NXPH1: variants seen among roughly 807,000 people sequenced by gnomAD.
NXPH1 encodes neurexophilin 1, also known as neurexophilin-1.
A neutral mutation model predicts 23.7 loss-of-function variants in NXPH1; 5 were observed. That is an observed-to-expected ratio of 0.21 (90% CI 0.11 to 0.44). NXPH1 has a LOEUF of 0.44. Among genes scored for constraint, NXPH1 ranks in the 20% least tolerant of loss-of-function variants. The pLI, the probability that NXPH1 is intolerant of heterozygous loss-of-function variation, is 0.99. For missense variants in NXPH1, 324 were observed against 321.6 expected (o/e 1.01, Z -0.06); for synonymous variants, 144 against 122.2 (o/e 1.18, Z -1.18).
At chr7:8,718,738 G>C (rs1270317979) in intron 2 of NXPH1, among the ~76,000 whole-genome samples, 1 of 152,124 alleles carries the variant, frequency 6.6e-6, no homozygotes, top group Admixed American at 6.6e-5. Flanking sequence ...GGAAGTAGGG[G>C]GAAAAACCAC....
chr7:8,636,854 T>C lies in NXPH1; in HGVS notation c.55-114154T>C, dbSNP rs553594582. ...TTCCAAATGAATATGAAGATTTGTATTGGATTTCTTTAACTAGTGAAATGT... is the reference window on the plus strand; with the variant it reads ...TTCCAAATGAATATGAAGATTTGTACTGGATTTCTTTAACTAGTGAAATGT... On this transcript the variant is annotated intron_variant, in intron 2 of 2. Coordinates refer to ENST00000405863, the MANE Select transcript of NXPH1 (RefSeq NM_152745.3). Among the ~76,000 whole-genome samples the C allele has an allele frequency of 1.3e-4, 19 of 150,936 alleles. No homozygotes were observed. In the East Asian group the frequency reaches 1.6e-3, roughly 13 times the overall value.
intron 2 of NXPH1, among the ~76,000 whole-genome samples, chr7:8,507,023 G>A (rs1817538262): frequency 6.7e-6 from 1 of 149,474 alleles, no homozygotes. Flanking sequence ...AAGGGGAGTA[G>A]GATGAGGGCA....
intron 2 of NXPH1, among the ~76,000 whole-genome samples, chr7:8,512,816 T>C (rs1817632564): frequency 6.6e-6 from 1 of 152,160 alleles, no homozygotes; most frequent in African/African-American, 2.4e-5. Flanking sequence ...AGCGTTTCCA[T>C]GTTGAACAGA....
In NXPH1 at chr7:8,508,604, A is replaced by G. The variant is rs1450658064; in HGVS notation, c.54+72837A>G. ...TGGAGTTTGAGTCAGACCAAAATAA[A>G]TTGCCCTTCATTTGTGAGATCTCAT... is the stretch of plus-strand genomic sequence containing the variant. On this transcript the variant is annotated intron_variant, in intron 2 of 2. Coordinates refer to ENST00000405863, the MANE Select transcript of NXPH1 (RefSeq NM_152745.3). 6.8e-4 allele frequency among the ~76,000 whole-genome samples: 103 copies of G among 152,124 alleles called. 1 individual carries two copies. Among genetic ancestry groups the G allele is most frequent in the Non-Finnish European group, 2.9e-5 (2 of 67,966 alleles).
chr7:8,557,171 G>A (rs1818371724), intron 2 of NXPH1, among the ~76,000 whole-genome samples: 1 of 151,620 alleles, frequency 6.6e-6, no homozygotes, highest in African/African-American at 2.4e-5. Context: ...ATGTGCTTAT[G>A]GGACAGTTGA....
At chr7:8,537,407 C>T (rs559828749) in intron 2 of NXPH1, among the ~76,000 whole-genome samples, 6 of 152,028 alleles carry the variant, frequency 3.9e-5, no homozygotes, top group South Asian at 2.1e-4. Context: ...AGGAAACTTA[C>T]GATCGTAGCA....
intron 2 of NXPH1, among the ~76,000 whole-genome samples, chr7:8,460,613 C>T (rs1039210840): frequency 1.3e-5 from 2 of 152,118 alleles, no homozygotes; most frequent in South Asian, 2.1e-4. Flanking sequence ...TTGGACATGC[C>T]TAGCTCTGAT....
chr7:8,635,178 C>T (rs141565752), intron 2 of NXPH1, among the ~76,000 whole-genome samples: 7 of 152,102 alleles, frequency 4.6e-5, no homozygotes, highest in African/African-American at 1.7e-4. Flanking sequence ...TGCTATGTCA[C>T]CGAGGTAGAG....
intron 2 of NXPH1, among the ~76,000 whole-genome samples, chr7:8,653,803 A>G (rs1160597992): frequency 2.0e-5 from 3 of 152,224 alleles, no homozygotes; most frequent in South Asian, 4.1e-4. Flanking sequence ...ATCTTATCAG[A>G]AACATGATAT....
At chr7:8,704,951 G>A (rs977509554) in intron 2 of NXPH1, among the ~76,000 whole-genome samples, 1 of 152,068 alleles carries the variant, frequency 6.6e-6, no homozygotes, top group African/African-American at 2.4e-5. Flanking sequence ...AAAAGGACCT[G>A]CAACCACTAA....
intron 2 of NXPH1, among the ~76,000 whole-genome samples, chr7:8,473,735 G>T (rs142619282): frequency 1.8e-3 from 242 of 135,716 alleles, no homozygotes; most frequent in African/African-American, 6.3e-3. Flanking sequence ...AATGCTGTGT[G>T]TGTTTTTTTT....
At chr7:8,532,752 C>G (rs11761183) in intron 2 of NXPH1, among the ~76,000 whole-genome samples, 7,862 of 152,162 alleles carry the variant, frequency 0.052, 298 homozygotes, top group Non-Finnish European at 0.081. Context: ...AATCCGGACC[C>G]TATCACTCAA....
chr7:8,439,032 A>T (rs777200082), intron 2 of NXPH1, among the ~76,000 whole-genome samples: 1 of 152,196 alleles, frequency 6.6e-6, no homozygotes, highest in Non-Finnish European at 1.5e-5. Context: ...AAGGTAAATA[A>T]AATTTCAGAC....
intron 2 of NXPH1, among the ~76,000 whole-genome samples, chr7:8,565,193 T>A (rs2128621212): frequency 6.6e-6 from 1 of 151,936 alleles, no homozygotes; most frequent in South Asian, 2.1e-4. Flanking sequence ...GATGGATAGA[T>A]TCCAGCCCAC....
intron 2 of NXPH1, among the ~76,000 whole-genome samples, chr7:8,531,853 G>A (rs1442090041): frequency 7.2e-5 from 11 of 152,170 alleles, no homozygotes; most frequent in East Asian, 1.9e-4. Flanking sequence ...TGGTGTTAAA[G>A]CAGTAGCAGT....
At chr7:8,679,249 CT>C (rs1238583740) in intron 2 of NXPH1, among the ~76,000 whole-genome samples, 2 of 151,872 alleles carry the variant, frequency 1.3e-5, no homozygotes, top group East Asian at 3.9e-4. Flanking sequence ...GCCCAGCCTG[CT>C]TTATCCAATT....
chr7:8,579,633 A>G (rs1233601574), intron 2 of NXPH1, among the ~76,000 whole-genome samples: 1 of 152,176 alleles, frequency 6.6e-6, no homozygotes, highest in African/African-American at 2.4e-5. Flanking sequence ...CAGACTCCCA[A>G]AGTGCTGGGA....
chr7:8,634,934 C>G (rs1008617103), intron 2 of NXPH1, among the ~76,000 whole-genome samples: 1 of 152,172 alleles, frequency 6.6e-6, no homozygotes, highest in African/African-American at 2.4e-5. Context: ...TTCTGTATAA[C>G]TTTCTGCTGT....
chr7:8,498,843 T>C (rs1817383836), intron 2 of NXPH1, among the ~76,000 whole-genome samples: 1 of 152,094 alleles, frequency 6.6e-6, no homozygotes, highest in African/African-American at 2.4e-5. Flanking sequence ...GGAAATGTGA[T>C]GTCAGTCAAA....
Sources: allele counts gnomAD v4.1 joint callset (sites outside exome capture counted in the v4.1 genomes callset), GRCh38; gene constraint gnomAD v4.1.1; transcripts MANE v1.5; gene names NCBI Gene and HGNC (gene_info 2026-07-23, HGNC 2026-07-21).